CDH18: variants seen among roughly 807,000 people sequenced by gnomAD.
CDH18 encodes cadherin-18.
CDH18 carries 31 observed loss-of-function variants against 67.9 expected under a neutral mutation model. The observed-to-expected ratio is 0.46, with a 90% CI of 0.34 to 0.62. CDH18 has a LOEUF of 0.62. CDH18 is among the 20% of genes least tolerant of loss of function. The pLI is 0.01. For synonymous variants in CDH18, 362 were observed against 347.2 expected, an observed-to-expected ratio of 1.04 and a Z score of -0.48; for missense variants, 890 against 975.5, an observed-to-expected ratio of 0.91 and a Z score of 1.17.
intron 1 of CDH18, among the ~76,000 whole-genome samples, chr5:20,554,035 T>G (rs547271297): frequency 4.1e-4 from 62 of 152,322 alleles, no homozygotes; most frequent in Non-Finnish European, 7.5e-4. Context: ...AATTTTCAAC[T>G]CTTTAGGAAT....
chr5:19,730,606 T>C (rs888461276), intron 4 of CDH18, among the ~76,000 whole-genome samples: 1 of 152,204 alleles, frequency 6.6e-6, no homozygotes, highest in Non-Finnish European at 1.5e-5. Context: ...TTTTTAATAA[T>C]TTTGTGAATG....
At chr5:20,059,315 G>A (rs1019266426) in intron 2 of CDH18, among the ~76,000 whole-genome samples, 12 of 152,008 alleles carry the variant, frequency 7.9e-5, no homozygotes, top group Non-Finnish European at 1.8e-4. Flanking sequence ...AGGGTTTTGC[G>A]TGTCTCTGCC....
At chr5:19,488,490 G>T (rs1740764069) in intron 11 of CDH18, among the ~76,000 whole-genome samples, 1 of 152,122 alleles carries the variant, frequency 6.6e-6, no homozygotes, top group Non-Finnish European at 1.5e-5. Flanking sequence ...TGTATGAAGA[G>T]AAAGCTAGGA....
At chr5:20,532,047 T>C (rs1202496084) in intron 1 of CDH18, among the ~76,000 whole-genome samples, 3 of 152,128 alleles carry the variant, frequency 2.0e-5, no homozygotes, top group Non-Finnish European at 4.4e-5. Flanking sequence ...AAAAAGTATT[T>C]TTATTAAAGT....
At chr5:20,195,234 C>T (rs1297296875) in intron 2 of CDH18, among the ~76,000 whole-genome samples, 2 of 151,932 alleles carry the variant, frequency 1.3e-5, no homozygotes, top group Non-Finnish European at 2.9e-5. Flanking sequence ...TTAATGTTAT[C>T]CATTACTTAC....
intron 1 of CDH18, among the ~76,000 whole-genome samples, chr5:20,448,471 T>G (rs1477442873): frequency 6.6e-6 from 1 of 152,190 alleles, no homozygotes; most frequent in African/African-American, 2.4e-5. Context: ...AAAATGTATT[T>G]ATTAGCTATA....
intron 2 of CDH18, among the ~76,000 whole-genome samples, chr5:20,080,728 G>GA (rs1561774392): frequency 2.6e-5 from 4 of 151,822 alleles, no homozygotes; most frequent in African/African-American, 7.3e-5. Context: ...AGGAAGAAGG[G>GA]GAGAGAGGAG....
chr5:19,781,506 C>A (rs548884777), intron 3 of CDH18, among the ~76,000 whole-genome samples: 4 of 152,072 alleles, frequency 2.6e-5, no homozygotes, highest in Admixed American at 6.6e-5. Context: ...TGAAATTTCC[C>A]AAAACCAGGC....
chr5:20,440,386 C>A (rs1472788821), intron 1 of CDH18, among the ~76,000 whole-genome samples: 1 of 151,832 alleles, frequency 6.6e-6, no homozygotes, highest in Admixed American at 6.6e-5. Flanking sequence ...AAGCAATCAA[C>A]ACATGTGAGG....
At chr5:19,476,929 C>T (rs907442449) in intron 12 of CDH18, among the ~76,000 whole-genome samples, 2 of 151,578 alleles carry the variant, frequency 1.3e-5, no homozygotes, top group Non-Finnish European at 2.9e-5. Context: ...ATTATCATGG[C>T]ATATAGTTTC....
intron 2 of CDH18, among the ~76,000 whole-genome samples, chr5:20,199,487 T>C (rs942647979): frequency 1.3e-5 from 2 of 152,188 alleles, no homozygotes; most frequent in African/African-American, 4.8e-5. Context: ...CCCTATAGTA[T>C]CTAGGAAGTA....
chr5:19,564,602 T>C (rs1443174315), intron 8 of CDH18, among the ~76,000 whole-genome samples: 1 of 152,184 alleles, frequency 6.6e-6, no homozygotes, highest in Non-Finnish European at 1.5e-5. Flanking sequence ...TTGATGAGAA[T>C]GAGACTCAGG....
chr5:19,579,632 T>C (rs1742895032), intron 7 of CDH18, among the ~76,000 whole-genome samples: 1 of 151,910 alleles, frequency 6.6e-6, no homozygotes, highest in South Asian at 2.1e-4. Flanking sequence ...GTAATGCTTA[T>C]AGATCTAATA....
chr5:20,515,167 T>A (rs1004327918), intron 1 of CDH18, among the ~76,000 whole-genome samples: 2 of 151,974 alleles, frequency 1.3e-5, no homozygotes, highest in African/African-American at 4.8e-5. Flanking sequence ...ATGAACTGAA[T>A]AGGAATTTTT....
intron 1 of CDH18, among the ~76,000 whole-genome samples, chr5:20,476,361 CT>C (rs1238398050): frequency 1.1e-4 from 17 of 148,394 alleles, no homozygotes; most frequent in Non-Finnish European, 1.9e-4. Flanking sequence ...AAAAAAAAGC[CT>C]GAAAATAAAA....
chr5:20,097,376 A>C (rs1746079090), intron 2 of CDH18, among the ~76,000 whole-genome samples: 1 of 152,130 alleles, frequency 6.6e-6, no homozygotes, highest in South Asian at 2.1e-4. Context: ...GGGACGTCTT[A>C]AGTGGTGACA....
intron 1 of CDH18, among the ~76,000 whole-genome samples, chr5:20,328,506 TGTGAGAGA>T (rs1434002125): frequency 0.013 from 1,548 of 120,876 alleles, 26 homozygotes; most frequent in African/African-American, 0.045. Flanking sequence ...TGTGTGTGTG[TGTGAGAGA>T]GAGAGAGAGA....
At chr5:20,168,259 T>C (rs987688383) in intron 2 of CDH18, among the ~76,000 whole-genome samples, 4 of 152,132 alleles carry the variant, frequency 2.6e-5, no homozygotes, top group African/African-American at 9.7e-5. Context: ...ATTTTGTACA[T>C]ATATAAAATT....
chr5:20,347,818 C>T (rs1580805544), intron 1 of CDH18, among the ~76,000 whole-genome samples: 2 of 152,272 alleles, frequency 1.3e-5, no homozygotes, highest in East Asian at 1.9e-4. Context: ...GGAACATTTA[C>T]CTCTCCCATT....
Sources: gnomAD v4.1 joint callset for allele counts (sites outside exome capture counted in the v4.1 genomes callset) on GRCh38, gnomAD v4.1.1 for gene constraint, MANE v1.5 for transcripts, NCBI Gene and HGNC (gene_info 2026-07-23, HGNC 2026-07-21) for gene names.